SPIRE1: variants seen among roughly 807,000 people sequenced by gnomAD.
SPIRE1 encodes protein spire homolog 1.
In SPIRE1, 40 loss-of-function variants were observed where a neutral mutation model predicts 94.1. The ratio of observed to expected loss-of-function variants is 0.43; its 90% CI spans 0.33 to 0.55. The LOEUF (loss-of-function observed/expected upper bound fraction) is 0.55. Among genes scored for constraint, SPIRE1 ranks in the 20% least tolerant of loss-of-function variants. SPIRE1 has a pLI of 0.06. For missense variants in SPIRE1, 838 were observed against 975.2 expected (o/e 0.86, Z 1.87); for synonymous variants, 376 against 371.7 (o/e 1.01, Z -0.13).
chr18:12,594,895 C>A (rs539352897), intron 2 of SPIRE1, among the ~76,000 whole-genome samples: 2 of 152,178 alleles, frequency 1.3e-5, no homozygotes, highest in Non-Finnish European at 2.9e-5. Flanking sequence ...AAGATGAAGA[C>A]CATTATGATG....
intron 3 of SPIRE1, among the ~76,000 whole-genome samples, chr18:12,545,041 T>C (rs1295020194): frequency 2.0e-5 from 3 of 152,362 alleles, no homozygotes; most frequent in Non-Finnish European, 4.4e-5. Flanking sequence ...GTGGTTTTGC[T>C]ACTTAATGTA....
At chr18:12,556,503 T>C (rs1040856527) in intron 2 of SPIRE1, among the ~76,000 whole-genome samples, 1 of 152,206 alleles carries the variant, frequency 6.6e-6, no homozygotes, top group South Asian at 2.1e-4. Flanking sequence ...GTGAGTGTTA[T>C]AGTTCTTAAA....
rs187425948 is a variant in SPIRE1 at position 12,535,704 on chromosome 18, C to T, written c.604-103G>A. On this transcript the variant is annotated intron_variant, in intron 3 of 16. Coordinates refer to ENST00000409402, the MANE Select transcript of SPIRE1 (RefSeq NM_001128626.2). ...GAGTGCAGTGGTTCACGCCTGTAAT[C>T]CCAGCACTTTGGGAGGCCAACGCAG... is the stretch of plus-strand genomic sequence containing the variant. The T allele has an allele frequency of 2.5e-5, 27 of 1,097,174 alleles. No individual in the cohort carries two copies. In the East Asian group the frequency reaches 6.6e-4, roughly 27 times the overall value. 68.0% of individuals were successfully genotyped at this position (1,097,174 alleles called of 1,614,324 possible). A position where few individuals can be genotyped will look rare whatever the true frequency, so the allele number is the denominator to read the frequency against.
chr18:12,543,633 T>C (rs138817785), intron 3 of SPIRE1, among the ~76,000 whole-genome samples: 90 of 152,332 alleles, frequency 5.9e-4, no homozygotes, highest in Admixed American at 1.2e-3. Context: ...ATGTACCATA[T>C]TAAAACATAA....
In SPIRE1 at chr18:12,657,846, C is replaced by A; in HGVS notation, c.21G>T (p.Pro7=). The change falls in exon 1 of 17, where the codon CCG becomes CCT. Residue 7 remains proline, a synonymous_variant. Coordinates refer to ENST00000409402, the MANE Select transcript of SPIRE1 (RefSeq NM_001128626.2). ...CAGTCCGCGGCTCCCCGCCGCCCGCCGGGCCAGCCGCCTGAGCCATCCCGC... is the reference window on the plus strand; with the variant it reads ...CAGTCCGCGGCTCCCCGCCGCCCGCAGGGCCAGCCGCCTGAGCCATCCCGC... MAQAAG[P]AGGGEPRTEA... The A allele has an allele frequency of 3.6e-6, 4 of 1,113,270 alleles. No individual in the cohort carries two copies. Among genetic ancestry groups the A allele is most frequent in the Non-Finnish European group, 4.4e-6 (4 of 916,000 alleles). The allele number at this position is 1,113,270 out of a possible 1,614,324, so 69.0% of individuals were successfully genotyped here.
intron 10 of SPIRE1, among the ~76,000 whole-genome samples, chr18:12,476,183 G>A (rs1239850545): frequency 6.6e-6 from 1 of 152,146 alleles, no homozygotes; most frequent in Non-Finnish European, 1.5e-5. Context: ...ACTTGAAACA[G>A]TTGATTAAAA....
At chr18:12,464,785 G>C in intron 11 of SPIRE1, 83 bp downstream of exon 11, 1 of 1,089,740 alleles carries the variant, frequency 9.2e-7, no homozygotes, top group Non-Finnish European at 1.4e-6. Context: ...ATGATCACAG[G>C]GCGCTCTGGG....
intron 3 of SPIRE1, among the ~76,000 whole-genome samples, chr18:12,537,973 C>T (rs867255227): frequency 6.6e-6 from 1 of 152,126 alleles, no homozygotes; most frequent in Non-Finnish European, 1.5e-5. Flanking sequence ...ATCCCAACAG[C>T]CTTTCTTTAA....
chr18:12,450,866 T>TA, intron 16 of SPIRE1: 1 of 731,784 alleles, frequency 1.4e-6, no homozygotes, highest in South Asian at 1.4e-5. Flanking sequence ...AAAGCAGCCT[T>TA]ACACCACTAA....
chr18:12,488,310 A>C (rs1248728072), intron 8 of SPIRE1, among the ~76,000 whole-genome samples: 1 of 152,218 alleles, frequency 6.6e-6, no homozygotes, highest in Non-Finnish European at 1.5e-5. Flanking sequence ...TTGTCACCAA[A>C]GATAACCTTG....
At position 12,464,883 on chromosome 18, in the gene SPIRE1, C is replaced by T. The variant is rs772537931; in HGVS notation, c.1480G>A (p.Val494Met). The T allele has an allele frequency of 1.4e-5, 23 of 1,613,468 alleles. No individual in the cohort carries two copies. Among genetic ancestry groups the T allele is most frequent in the African/African-American group, 4.0e-5 (3 of 74,898 alleles). The change falls in exon 11 of 17, where the codon GTG becomes ATG. Residue 494 changes from valine (V) to methionine (M), a missense_variant. By Grantham distance (21) the Val-to-Met change is conservative. Around this residue, in one of 2 missense-constraint regions of SPIRE1, gnomAD observed 645 missense variants for 804.7 expected, o/e 0.80. Coordinates refer to ENST00000409402, the MANE Select transcript of SPIRE1 (RefSeq NM_001128626.2). Reference sequence around the variant, plus strand: ...AACTACTCACTCTTCCTTGTGGACACGGCCTCCAGGACTGGCTCTTCAGGG... The same window carrying T: ...AACTACTCACTCTTCCTTGTGGACATGGCCTCCAGGACTGGCTCTTCAGGG... ...SFPEEPVLEAVSTRKKPPKFL... is the reference protein window; with the variant it reads ...SFPEEPVLEAMSTRKKPPKFL...
intron 2 of SPIRE1, among the ~76,000 whole-genome samples, chr18:12,614,943 CT>C (rs1322487552): frequency 6.6e-6 from 1 of 152,032 alleles, no homozygotes; most frequent in Non-Finnish European, 1.5e-5. Flanking sequence ...AATCCTAGCA[CT>C]TTGGGAGGCC....
intron 12 of SPIRE1, among the ~76,000 whole-genome samples, chr18:12,461,243 T>C (rs1215393220): frequency 6.6e-6 from 1 of 152,190 alleles, no homozygotes; most frequent in African/African-American, 2.4e-5. Context: ...TTTACATTGC[T>C]AATTTTAAAC....
chr18:12,465,056 G>T, intron 10 of SPIRE1, 98 bp from the exon 11 acceptor site: 1 of 1,027,110 alleles, frequency 9.7e-7, no homozygotes, highest in Non-Finnish European at 1.4e-6. Flanking sequence ...TTAACATGAG[G>T]CACCAAAGTA....
At chr18:12,580,457 G>A (rs2036225854) in intron 2 of SPIRE1, among the ~76,000 whole-genome samples, 1 of 151,950 alleles carries the variant, frequency 6.6e-6, no homozygotes, top group African/African-American at 2.4e-5. Flanking sequence ...CCAAGTAGCT[G>A]GGGTTACAGG....
intron 4 of SPIRE1, among the ~76,000 whole-genome samples, chr18:12,524,600 A>T (rs1378352126): frequency 6.6e-6 from 1 of 152,194 alleles, no homozygotes; most frequent in Non-Finnish European, 1.5e-5. Flanking sequence ...ATAATTTAAC[A>T]TTTAAGTTTT....
At chr18:12,626,164 A>C (rs1418821337) in intron 2 of SPIRE1, among the ~76,000 whole-genome samples, 1 of 152,082 alleles carries the variant, frequency 6.6e-6, no homozygotes, top group Admixed American at 6.6e-5. Context: ...AAAATGTTAT[A>C]CTCCGTATAA....
intron 5 of SPIRE1, among the ~76,000 whole-genome samples, chr18:12,507,422 G>C (rs1487162731): frequency 6.6e-6 from 1 of 152,130 alleles, no homozygotes; most frequent in Non-Finnish European, 1.5e-5. Flanking sequence ...AAAAAGGCTG[G>C]GTGCAATGGG....
At chr18:12,641,360 G>A (rs987165752) in intron 1 of SPIRE1, among the ~76,000 whole-genome samples, 1 of 147,498 alleles carries the variant, frequency 6.8e-6, no homozygotes, top group Non-Finnish European at 1.5e-5. Flanking sequence ...AATCATACCC[G>A]AATTTCTTTT....
Sources: allele counts gnomAD v4.1 joint callset (sites outside exome capture counted in the v4.1 genomes callset), GRCh38; gene constraint gnomAD v4.1.1; regional missense constraint gnomAD v4.1.1; transcripts MANE v1.5; gene names NCBI Gene and HGNC (gene_info 2026-07-23, HGNC 2026-07-21).